PIEZO1: variants seen among roughly 807,000 people sequenced by gnomAD.
The protein encoded by PIEZO1 is piezo type mechanosensitive ion channel component 1 (Er blood group), also known as piezo-type mechanosensitive ion channel component 1.
Under a neutral mutation model 297.2 loss-of-function variants are expected in PIEZO1, and 296 were observed. The ratio of observed to expected loss-of-function variants is 1.00; its 90% confidence interval spans 0.91 to 1.10. The LOEUF is 1.10. Ranked by LOEUF, PIEZO1 falls within the 50% of genes least tolerant of loss-of-function variation. The pLI, the probability that PIEZO1 is intolerant of heterozygous loss-of-function variation, is 0.00. For synonymous variants in PIEZO1, 2,427 were observed against 1,507.5 expected, an observed-to-expected ratio of 1.61 and a Z score of -14.13; for missense variants, 5,018 against 3,455.5, an observed-to-expected ratio of 1.45 and a Z score of -11.34.
At chr16:88,737,520 C>CT in intron 10 of PIEZO1, 39 bp downstream of exon 10, 1 of 1,423,496 alleles carries the variant, frequency 7.0e-7, no homozygotes, top group Non-Finnish European at 9.5e-7. Context: ...CCGCCCCGCC[C>CT]CCCGCACCCA....
At position 88,721,972 on chromosome 16, in the gene PIEZO1, C is replaced by T; in HGVS notation, c.5050G>A (p.Ala1684Thr). ...RLLRAVYQCV[A>T]AHSELLCYFI... ...TAGCAGAGCAGCTCCGAGTGGGCGG[C>T]CACACACTGGTACACGGCCCGCAGC... is the stretch of plus-strand genomic sequence containing the variant. The change falls in exon 37 of 51, where the codon GCC (alanine) becomes ACC (threonine). Residue 1684 changes from alanine to threonine, a missense_variant. Transcript: ENST00000301015. 6.5e-7 allele frequency: 1 copy of T among 1,550,034 alleles called. No homozygotes were observed. The highest frequency in any genetic ancestry group is 1.4e-5 in the African/African-American group (1 of 73,168).
intron 1 of PIEZO1, among the ~76,000 whole-genome samples, chr16:88,752,392 G>GGATC (rs1906434041): frequency 6.6e-6 from 1 of 152,334 alleles, no homozygotes; most frequent in African/African-American, 2.4e-5. Flanking sequence ...TGGAGCAGGA[G>GGATC]GATCACTTGA....
chr16:88,717,748 G>C (rs903007785), intron 44 of PIEZO1: 3 of 447,396 alleles, frequency 6.7e-6, no homozygotes, highest in Non-Finnish European at 1.3e-5. Context: ...TAATTGATAA[G>C]GTTCTAGCAA....
chr16:88,742,025 T>C, intron 4 of PIEZO1, 28 bp downstream of exon 4: 1 of 1,534,730 alleles, frequency 6.5e-7, no homozygotes, highest in Non-Finnish European at 8.7e-7. Flanking sequence ...GGAGGCTTGC[T>C]GGTTGGGGGT....
Position 88,737,797 on chromosome 16 carries a change from CT to C in PIEZO1, c.1037del (p.Lys346ArgfsTer10). ...RPSGQRKEAAKGYEARELELA... is the reference protein window; with the variant it reads ...RPSGQRKEAAXGYEARELELA... ...GCTCCAGCTCCCGAGCCTCATACCCCTTTGCCGCCTCCTTCCTCTGCAGAGA... is the reference window on the plus strand; with the variant it reads ...GCTCCAGCTCCCGAGCCTCATACCCCTTGCCGCCTCCTTCCTCTGCAGAGA... On this transcript the variant is annotated frameshift_variant, in exon 9 of 51. Coordinates refer to ENST00000301015, the MANE Select transcript of PIEZO1 (RefSeq NM_001142864.4). LOFTEE classifies it high-confidence loss of function. The C allele has an allele frequency of 6.5e-7, 1 of 1,535,852 alleles. No homozygotes were observed. Among genetic ancestry groups the C allele is most frequent in the Non-Finnish European group, 8.7e-7 (1 of 1,146,734 alleles).
At chr16:88,748,492 C>T (rs1003990700) in intron 2 of PIEZO1, among the ~76,000 whole-genome samples, 1 of 113,798 alleles carries the variant, frequency 8.8e-6, no homozygotes, top group Admixed American at 7.6e-5. Context: ...CTCAGCTCCC[C>T]CCCCCCCCCG....
At position 88,743,948 on chromosome 16, in the gene PIEZO1, G is replaced by A. The variant is rs1027266804; in HGVS notation, c.161-1526C>T. 1.3e-4 allele frequency: 38 copies of A among 283,468 alleles called. 1 individual carries two copies. In the Admixed American group the frequency reaches 1.4e-3, roughly 11 times the overall value. The allele number at this position is 283,468 out of a possible 1,614,324, so 17.6% of individuals were successfully genotyped here. ...GGAAGGGAGGCTGCAGCCCCGACACGAACAGGAGCCACCACCAGGGGGTGC... is the reference window on the plus strand; with the variant it reads ...GGAAGGGAGGCTGCAGCCCCGACACAAACAGGAGCCACCACCAGGGGGTGC... On this transcript the variant is annotated intron_variant, in intron 2 of 50. Coordinates refer to ENST00000301015, the MANE Select transcript of PIEZO1 (RefSeq NM_001142864.4).
In PIEZO1 at chr16:88,757,325, G is replaced by C. The variant is rs902481780; in HGVS notation, c.65-7846C>G. On this transcript the variant is annotated intron_variant, in intron 1 of 50. Coordinates refer to ENST00000301015, the MANE Select transcript of PIEZO1 (RefSeq NM_001142864.4). The stretch of plus-strand genomic sequence containing the variant: ...ATGCAGGGGGCGTTGCTGGCGGGGG[G>C]GTGGGGGGTAGTTACCTAACCTGCC... Among the ~76,000 whole-genome samples, 15 of 84,114 alleles carry C rather than the reference G, an allele frequency of 1.8e-4. 3 individuals are homozygous for C. The highest frequency in any genetic ancestry group is 3.8e-4 in the Admixed American group (3 of 7,936). The allele number at this position is 84,114 out of a possible 152,430, so 55.2% of individuals were successfully genotyped here.
At chr16:88,717,712 G>T (rs376422009) in intron 44 of PIEZO1, 1 of 439,978 alleles carries the variant, frequency 2.3e-6, no homozygotes, top group Non-Finnish European at 4.5e-6. Flanking sequence ...ACAGTCCATA[G>T]AATTGGAGAA....
chr16:88,717,488 C>T, intron 44 of PIEZO1: 1 of 591,194 alleles, frequency 1.7e-6, no homozygotes, highest in South Asian at 1.6e-5. Context: ...CCGCCCCAGG[C>T]AGGAGAATGA....
intron 19 of PIEZO1, 122 bp downstream of exon 19, chr16:88,733,156 G>A (rs1347148956): frequency 7.4e-6 from 7 of 945,588 alleles, no homozygotes; most frequent in Non-Finnish European, 1.1e-5. Context: ...GCGCCCCCAG[G>A]GGAGAGTCCT....
intron 10 of PIEZO1, 105 bp from the exon 11 acceptor site, chr16:88,736,844 A>T (rs1400290667): frequency 1.5e-6 from 1 of 679,236 alleles, no homozygotes; most frequent in Admixed American, 3.1e-5. Context: ...AGCAGGAGAG[A>T]CAGGCCCCCG....
chr16:88,762,308 G>C (rs1196422475), intron 1 of PIEZO1, among the ~76,000 whole-genome samples: 3 of 152,070 alleles, frequency 2.0e-5, no homozygotes, highest in South Asian at 4.1e-4. Context: ...GACAAAGTAA[G>C]ACCTCCCACT....
At position 88,736,364 on chromosome 16, in the gene PIEZO1, C is replaced by G. The variant is rs1430121180; in HGVS notation, c.1341G>C (p.Leu447=). ...CCGTCCAGATGAGGCAGGCCCAGAG[C>G]AGCAGTACGAAGGTCAGCCAGCTGT... ...TYHSWLTFVL[L]LWACLIWTVR... Residue 447 remains leucine, a synonymous_variant, in exon 12 of 51, where the codon CTG becomes CTC. Transcript: ENST00000301015. 6.5e-7 allele frequency: 1 copy of G among 1,549,846 alleles called. No individual in the cohort carries two copies. Among genetic ancestry groups the G allele is most frequent in the Admixed American group, 2.0e-5 (1 of 50,976 alleles).
Position 88,725,011 on chromosome 16 carries a change from G to T in PIEZO1, c.4232C>A (p.Thr1411Lys). 6 of 1,484,086 alleles carry T rather than the reference G, an allele frequency of 4.0e-6. No homozygotes were observed. The highest frequency in any genetic ancestry group is 4.5e-6 in the Non-Finnish European group (5 of 1,117,526). The allele number at this position is 1,484,086 out of a possible 1,614,324, so 91.9% of individuals were successfully genotyped here. A position where few individuals can be genotyped will look rare whatever the true frequency, so the allele number is the denominator to read the frequency against. The change falls in exon 30 of 51, where the codon ACA becomes AAA. Residue 1411 changes from threonine (T) to lysine (K), a missense_variant and splice_region_variant. Transcript: ENST00000301015. The stretch of plus-strand genomic sequence containing the variant: ...ACAGGCGGCCTAATTGGGGGTACCT[G>T]TGGCGTGGTCCAGCCAGGGCCGCCA... ...QWWRPWLDHA[T>K]VIHSGDYFLF...
In PIEZO1 at chr16:88,725,060, AG is replaced by A; in HGVS notation, c.4182del (p.Ser1395ProfsTer58). The A allele has an allele frequency of 6.7e-7, 1 of 1,499,148 alleles. No individual in the cohort carries two copies. Among genetic ancestry groups the A allele is most frequent in the Non-Finnish European group, 8.9e-7 (1 of 1,126,854 alleles). The allele number at this position is 1,499,148 out of a possible 1,614,324, so 92.9% of individuals were successfully genotyped here. A position where few individuals can be genotyped will look rare whatever the true frequency, so the allele number is the denominator to read the frequency against. ...GLEPGPDSPG[G>X]SSPPRRQWWR... ...CACCACTGCCTCCGTGGCGGGGAGG[AG>A]CCCCCTGGACTGTCGGGCCCTGTGG... On this transcript the variant is annotated frameshift_variant, in exon 30 of 51. Coordinates refer to ENST00000301015, the MANE Select transcript of PIEZO1 (RefSeq NM_001142864.4). LOFTEE classifies it high-confidence loss of function.
Position 88,734,038 on chromosome 16 carries a change from C to A in PIEZO1, c.2197G>T (p.Gly733Trp). 1 of 1,531,490 alleles carries A rather than the reference C, an allele frequency of 6.5e-7. No homozygotes were observed. The allele number at this position is 1,531,490 out of a possible 1,614,324, so 94.9% of individuals were successfully genotyped here. A position where few individuals can be genotyped will look rare whatever the true frequency, so the allele number is the denominator to read the frequency against. The change falls in exon 17 of 51, where the codon GGG becomes TGG. Residue 733 changes from glycine to tryptophan, a missense_variant. Coordinates refer to ENST00000301015, the MANE Select transcript of PIEZO1 (RefSeq NM_001142864.4). ...TGCTCCTCCCGCAGCAGTGGGGTCC[C>A]ACTCACTGCATCCTGCCTGGGAGAG... The part of the protein sequence containing the change: ...RWAHRQDAVS[G>W]TPLLREEQQE...
At chr16:88,731,647 C>A in intron 22 of PIEZO1, 59 bp downstream of exon 22, 4 of 1,375,512 alleles carry the variant, frequency 2.9e-6, no homozygotes, top group East Asian at 2.5e-5. Flanking sequence ...CGGGAAACAC[C>A]CCCACGGGCA....
At position 88,719,631 on chromosome 16, in the gene PIEZO1, A is replaced by C. The variant is rs761342639; in HGVS notation, c.6414T>G (p.Cys2138Trp). 2 of 1,553,136 alleles carry C rather than the reference A, an allele frequency of 1.3e-6. No individual in the cohort carries two copies. Among genetic ancestry groups the C allele is most frequent in the Non-Finnish European group, 1.7e-6 (2 of 1,148,394 alleles). Reference sequence around the variant, plus strand: ...AGATGTTGGCATAGATGTCCTCCACACACATCCAGCTGGACAGGGACAGCG... The same window carrying C: ...AGATGTTGGCATAGATGTCCTCCACCCACATCCAGCTGGACAGGGACAGCG... ...DTTLSLSSWM[C>W]VEDIYANIFI... The change falls in exon 44 of 51, where the codon TGT becomes TGG. Residue 2138 changes from cysteine (C) to tryptophan (W), a missense_variant. Transcript: ENST00000301015.
Sources: allele counts gnomAD v4.1 joint callset (sites outside exome capture counted in the v4.1 genomes callset), GRCh38; gene constraint gnomAD v4.1.1; transcripts MANE v1.5; gene names NCBI Gene and HGNC (gene_info 2026-07-23, HGNC 2026-07-21).